Variants in ISM1 observed in about 807,000 individuals in gnomAD.
The protein encoded by ISM1 is isthmin-1.
A neutral mutation model predicts 46.3 loss-of-function variants in ISM1; 25 were observed. The observed-to-expected ratio is 0.54, with a 90% CI of 0.39 to 0.75. The LOEUF (loss-of-function observed/expected upper bound fraction) is 0.75. Ranked by LOEUF, ISM1 falls within the 30% of genes least tolerant of loss-of-function variation. The pLI is 0.00. For missense variants in ISM1, 536 were observed against 625.4 expected (o/e 0.86, Z 1.52); for synonymous variants, 255 against 256.7 (o/e 0.99, Z 0.06).
At chr20:13,288,788 TTTC>T in intron 4 of ISM1, 105 bp downstream of exon 4, 1 of 1,238,346 alleles carries the variant, frequency 8.1e-7, no homozygotes, top group Non-Finnish European at 1.1e-6. Flanking sequence ...CTACTTTTCT[TTTC>T]TTTTTTTTTT....
intron 2 of ISM1, among the ~76,000 whole-genome samples, chr20:13,274,865 A>G (rs892794302): frequency 2.0e-5 from 3 of 152,356 alleles, no homozygotes; most frequent in Admixed American, 6.5e-5. Flanking sequence ...TGCGCAAAAT[A>G]GAACAAAAAT....
At chr20:13,319,326 AT>A in the ISM1 span, among the ~76,000 whole-genome samples, 1 of 152,166 alleles carries the variant, frequency 6.6e-6, no homozygotes, top group Non-Finnish European at 1.5e-5. Flanking sequence ...ATCTGGTCAC[AT>A]GTGCCTGGCA....
At chr20:13,227,228 G>C (rs8115346) in intron 1 of ISM1, among the ~76,000 whole-genome samples, 6,940 of 151,986 alleles carry the variant, frequency 0.046, 282 homozygotes, top group African/African-American at 0.11. Flanking sequence ...TTTTGAGATG[G>C]AGTCTCACTC....
intron 2 of ISM1, among the ~76,000 whole-genome samples, chr20:13,279,244 A>C (rs996869324): frequency 2.6e-5 from 4 of 152,204 alleles, no homozygotes; most frequent in Non-Finnish European, 5.9e-5. Context: ...TCAGGAACAA[A>C]TATAGTACAT....
At chr20:13,288,748 C>G in intron 4 of ISM1, 65 bp downstream of exon 4, 1 of 1,452,348 alleles carries the variant, frequency 6.9e-7, no homozygotes, top group Non-Finnish European at 9.5e-7. Context: ...TCATTAAAAA[C>G]TTAGTGACAT....
rs1263742222 is a variant in ISM1 at position 13,221,882 on chromosome 20, G to A, written c.106G>A (p.Ala36Thr). Residue 36 changes from alanine to threonine, a missense_variant, in exon 1 of 6, where the codon GCC becomes ACC. Ala to Thr is a moderately conservative substitution (Grantham distance 58). Around this residue, in one of 2 missense-constraint regions of ISM1, gnomAD observed 367 missense variants for 376.1 expected, o/e 0.98. Coordinates refer to ENST00000262487, the MANE Select transcript of ISM1 (RefSeq NM_080826.2). ...GGGAGCCGCCGACGGGCCCGACGCG[G>A]CCGCGGGCAACGCCAGCCAAGCCCA... ...GSGAADGPDAAAGNASQAQLQ... is the reference protein window; with the variant it reads ...GSGAADGPDATAGNASQAQLQ... 4 of 1,406,906 alleles carry A rather than the reference G, an allele frequency of 2.8e-6. No homozygotes were observed. The highest frequency in any genetic ancestry group is 3.1e-5 in the South Asian group (2 of 65,044). 87.2% of individuals were successfully genotyped at this position (1,406,906 alleles called of 1,614,324 possible).
chr20:13,284,154 G>C (rs1478764006), intron 3 of ISM1, among the ~76,000 whole-genome samples: 1 of 152,236 alleles, frequency 6.6e-6, no homozygotes, highest in Non-Finnish European at 1.5e-5. Context: ...CAGGGCAGCT[G>C]GTTAAAGCAA....
At chr20:13,320,830 A>G in the ISM1 span, among the ~76,000 whole-genome samples, 1 of 152,166 alleles carries the variant, frequency 6.6e-6, no homozygotes, top group Non-Finnish European at 1.5e-5. Context: ...AGTTAAAGAT[A>G]CCATTTCTTT....
chr20:13,274,651 C>T (rs2040156336), intron 2 of ISM1, among the ~76,000 whole-genome samples: 1 of 151,380 alleles, frequency 6.6e-6, no homozygotes, highest in South Asian at 2.1e-4. Flanking sequence ...GTCCACGTCC[C>T]GCCCCCTCTC....
intron 1 of ISM1, chr20:13,237,911 C>G (rs1388456738): frequency 1.3e-5 from 2 of 152,152 alleles, no homozygotes; most frequent in Non-Finnish European, 2.9e-5. Flanking sequence ...TCCTCTGCCT[C>G]AGGTCCCAGT....
intron 1 of ISM1, among the ~76,000 whole-genome samples, chr20:13,255,781 CA>C (rs2039921551): frequency 6.6e-6 from 1 of 152,166 alleles, no homozygotes; most frequent in African/African-American, 2.4e-5. Context: ...ACAAATTGTA[CA>C]ATGTACATGG....
intron 4 of ISM1, among the ~76,000 whole-genome samples, chr20:13,291,805 A>C (rs892284547): frequency 2.6e-5 from 4 of 152,188 alleles, no homozygotes; most frequent in African/African-American, 9.7e-5. Context: ...AGCTAGACAA[A>C]TATTCAAGGG....
the ISM1 span, among the ~76,000 whole-genome samples, chr20:13,310,323 G>GA: frequency 5.3e-5 from 8 of 152,308 alleles, no homozygotes; most frequent in East Asian, 1.5e-3. Flanking sequence ...ACACAATGGG[G>GA]AAAGGGTGGT....
chr20:13,257,662 C>T (rs2123211960), intron 1 of ISM1, among the ~76,000 whole-genome samples: 1 of 151,404 alleles, frequency 6.6e-6, no homozygotes, highest in East Asian at 1.9e-4. Context: ...TTACACTGCA[C>T]AAGTAAAGCA....
the ISM1 span, among the ~76,000 whole-genome samples, chr20:13,307,751 G>A: frequency 4.6e-5 from 7 of 152,170 alleles, no homozygotes; most frequent in South Asian, 2.1e-4. Flanking sequence ...CTTCCATATC[G>A]CTGCTTGCAG....
At chr20:13,307,206 C>T in the ISM1 span, among the ~76,000 whole-genome samples, 1 of 152,220 alleles carries the variant, frequency 6.6e-6, no homozygotes, top group African/African-American at 2.4e-5. Flanking sequence ...TTCCTCCCAT[C>T]CCCTCGGCCA....
chr20:13,323,086 G>A, the ISM1 span, among the ~76,000 whole-genome samples: 54 of 152,068 alleles, frequency 3.6e-4, no homozygotes, highest in African/African-American at 1.1e-3. Flanking sequence ...GTGTCACAGC[G>A]TCTCGGAGGA....
chr20:13,289,447 T>C (rs1445406302), intron 4 of ISM1, among the ~76,000 whole-genome samples: 1 of 152,188 alleles, frequency 6.6e-6, no homozygotes, highest in Non-Finnish European at 1.5e-5. Flanking sequence ...GCATTGTCAG[T>C]GCTTCAAAAA....
At chr20:13,246,272 C>CAAA (rs34312426) in intron 1 of ISM1, among the ~76,000 whole-genome samples, 1,911 of 121,022 alleles carry the variant, frequency 0.016, 43 homozygotes, top group African/African-American at 0.052. Flanking sequence ...GACTCCATCT[C>CAAA]AAAAAAAAAA....
Sources: allele counts gnomAD v4.1 joint callset (sites outside exome capture counted in the v4.1 genomes callset), GRCh38; gene constraint gnomAD v4.1.1; regional missense constraint gnomAD v4.1.1; transcripts MANE v1.5; gene names NCBI Gene and HGNC (gene_info 2026-07-23, HGNC 2026-07-21).